MED13L: variants seen among roughly 807,000 people sequenced by gnomAD.
MED13L encodes the protein mediator of RNA polymerase II transcription subunit 13-like.
MED13L carries 7 observed loss-of-function variants against 220.9 expected under a neutral mutation model. That is an observed-to-expected ratio of 0.03 (90% CI 0.02 to 0.06). The LOEUF (loss-of-function observed/expected upper bound fraction) is 0.06, where lower values mean the gene tolerates loss of function less well. Ranked by LOEUF, MED13L falls within the 10% of genes least tolerant of loss-of-function variation. MED13L has a pLI of 1.00. For missense variants in MED13L, 1,965 were observed against 2,760.5 expected (o/e 0.71, Z 6.46); for synonymous variants, 1,011 against 1,015.2 (o/e 1.00, Z 0.08).
intron 4 of MED13L, among the ~76,000 whole-genome samples, chr12:116,058,584 T>C (rs1436385945): frequency 6.6e-6 from 1 of 152,224 alleles, no homozygotes; most frequent in Non-Finnish European, 1.5e-5. Context: ...TAACCATTTA[T>C]ATGACCTCCC....
At chr12:116,243,356 CCCA>C (rs1870818956) in intron 1 of MED13L, among the ~76,000 whole-genome samples, 2 of 152,116 alleles carry the variant, frequency 1.3e-5, no homozygotes, top group Admixed American at 1.3e-4. Context: ...ATAAATAACT[CCCA>C]CAAGTTTAGT....
At chr12:116,139,866 A>C (rs1199285505) in intron 2 of MED13L, among the ~76,000 whole-genome samples, 3 of 150,692 alleles carry the variant, frequency 2.0e-5, no homozygotes, top group Non-Finnish European at 4.4e-5. Context: ...GCTACTCAGG[A>C]GGCTGAGGCA....
chr12:116,015,461 T>C (rs1362849389), intron 7 of MED13L, among the ~76,000 whole-genome samples, 187 bp from the exon 8 acceptor site: 3 of 152,234 alleles, frequency 2.0e-5, no homozygotes, highest in Non-Finnish European at 2.9e-5. Flanking sequence ...TGGATTTTTT[T>C]CCCTGGAACT....
intron 1 of MED13L, among the ~76,000 whole-genome samples, chr12:116,259,972 G>GATTA (rs1872385444): frequency 6.6e-6 from 1 of 152,206 alleles, no homozygotes; most frequent in African/African-American, 2.4e-5. Context: ...TTTACACTGT[G>GATTA]ATTACATCTA....
Position 116,177,838 on chromosome 12 carries a change from T to G in MED13L, c.310+59630A>C, listed in dbSNP as rs982701687. The stretch of plus-strand genomic sequence containing the variant: ...TCTTAAATCTGTAATATCAATTCCT[T>G]CTTTGGAATTCCCAAGAAACAATTT... On this transcript the variant is annotated intron_variant, in intron 2 of 30. Transcript: ENST00000281928. Among the ~76,000 whole-genome samples the G allele has an allele frequency of 2.0e-5, 3 of 152,176 alleles. No individual in the cohort carries two copies. The East Asian group carries it at 5.8e-4, about 29-fold the overall frequency.
intron 4 of MED13L, among the ~76,000 whole-genome samples, chr12:116,070,009 T>C (rs1423788821): frequency 6.6e-6 from 1 of 152,204 alleles, no homozygotes; most frequent in Non-Finnish European, 1.5e-5. Context: ...CTGCTGGTTT[T>C]TGAGTATTTT....
At chr12:115,987,792 T>C (rs1565995347) in intron 17 of MED13L, among the ~76,000 whole-genome samples, 1 of 152,340 alleles carries the variant, frequency 6.6e-6, no homozygotes, top group East Asian at 1.9e-4. Flanking sequence ...CAATCTTCAG[T>C]GCAGCCAGAG....
At chr12:115,985,425 T>C (rs1877619441) in intron 19 of MED13L, among the ~76,000 whole-genome samples, 1 of 152,266 alleles carries the variant, frequency 6.6e-6, no homozygotes, top group South Asian at 2.1e-4. Context: ...CATACATTTA[T>C]AGATCATGAA....
At chr12:116,013,199 C>G (rs766287984) in intron 8 of MED13L, among the ~76,000 whole-genome samples, 2 of 152,036 alleles carry the variant, frequency 1.3e-5, no homozygotes, top group Non-Finnish European at 2.9e-5. Flanking sequence ...ATGGCAAAAC[C>G]CCATATATAC....
At chr12:116,016,637 G>C (rs546233434) in intron 7 of MED13L, among the ~76,000 whole-genome samples, 1 of 152,282 alleles carries the variant, frequency 6.6e-6, no homozygotes, top group South Asian at 2.1e-4. Context: ...AGAGTAGGGA[G>C]AAACAAGCCA....
intron 4 of MED13L, among the ~76,000 whole-genome samples, chr12:116,043,889 T>C (rs1265626282): frequency 2.6e-5 from 4 of 152,204 alleles, no homozygotes; most frequent in Non-Finnish European, 4.4e-5. Flanking sequence ...CAAAGCTGAG[T>C]CCTTTTCCTA....
chr12:116,017,357 A>G (rs2137424525), intron 7 of MED13L, among the ~76,000 whole-genome samples: 1 of 152,362 alleles, frequency 6.6e-6, no homozygotes, highest in Admixed American at 6.5e-5. Context: ...AAATTTCACT[A>G]AGTACAAGGC....
At chr12:116,096,154 GAC>G (rs1424853817) in intron 4 of MED13L, among the ~76,000 whole-genome samples, 1 of 151,708 alleles carries the variant, frequency 6.6e-6, no homozygotes, top group Non-Finnish European at 1.5e-5. Flanking sequence ...AGGAGTTCGA[GAC>G]CAGCCTGGGC....
chr12:116,259,646 T>G (rs761187983), intron 1 of MED13L, among the ~76,000 whole-genome samples: 24 of 152,218 alleles, frequency 1.6e-4, no homozygotes, highest in Non-Finnish European at 3.1e-4. Context: ...ACCATGAATC[T>G]TTCTACCTTA....
At chr12:116,020,302 GAAATA>G (rs60839804) in intron 5 of MED13L, among the ~76,000 whole-genome samples, 45,141 of 151,508 alleles carry the variant, frequency 0.3, 7,932 homozygotes, top group Non-Finnish European at 0.4. Context: ...ATTTTTAAAC[GAAATA>G]AAATATGGAT....
Position 115,961,389 on chromosome 12 carries a change from C to T in MED13L, c.6510G>A (p.Leu2170=). 6.2e-7 allele frequency: 1 copy of T among 1,613,646 alleles called. No homozygotes were observed. The highest frequency in any genetic ancestry group is 8.5e-7 in the Non-Finnish European group (1 of 1,180,020). The change falls in exon 31 of 31, where the codon TTG becomes TTA. Residue 2170 remains leucine, a synonymous_variant. Transcript: ENST00000281928. The stretch of plus-strand genomic sequence containing the variant: ...GCCAGGACAGAGCGTTGTACTGCTC[C>T]AAAACAAACCTGCCAAAGAGAACAC... ...KTTSDVLRFV[L]EQYNALSWLT...
intron 2 of MED13L, among the ~76,000 whole-genome samples, chr12:116,183,807 T>TGG (rs1482059537): frequency 1.4e-4 from 13 of 95,594 alleles, no homozygotes; most frequent in Non-Finnish European, 1.5e-4. Flanking sequence ...AAAAATGGTG[T>TGG]GTGTGTGTGT....
intron 8 of MED13L, 89 bp downstream of exon 8, chr12:116,015,020 A>G: frequency 8.2e-6 from 11 of 1,336,738 alleles, no homozygotes; most frequent in Non-Finnish European, 1.1e-5. Context: ...GTTTGGTCAC[A>G]CAATAGTGCA....
chr12:116,207,927 C>T (rs1344395130), intron 2 of MED13L, among the ~76,000 whole-genome samples: 1 of 152,078 alleles, frequency 6.6e-6, no homozygotes, highest in Non-Finnish European at 1.5e-5. Flanking sequence ...AATTCCTTAG[C>T]AAAATGGGCT....
Sources: gnomAD v4.1 joint callset for allele counts (sites outside exome capture counted in the v4.1 genomes callset) on GRCh38, gnomAD v4.1.1 for gene constraint, MANE v1.5 for transcripts, NCBI Gene and HGNC (gene_info 2026-07-23, HGNC 2026-07-21) for gene names.